The following GALNTL6 variants were observed in gnomAD, a reference collection of about 807,000 sequenced individuals.
The protein encoded by GALNTL6 is polypeptide N-acetylgalactosaminyltransferase-like 6.
GALNTL6 carries 46 observed loss-of-function variants against 73.7 expected under a neutral mutation model. That is an observed-to-expected ratio of 0.62 (90% CI 0.49 to 0.80). The LOEUF (loss-of-function observed/expected upper bound fraction) is 0.80. Ranked by LOEUF, GALNTL6 falls within the 30% of genes least tolerant of loss-of-function variation. The probability of loss-of-function intolerance (pLI) is 0.00; values close to 1 mark genes in which losing one functional copy is unlikely to be tolerated. For synonymous variants in GALNTL6, 259 were observed against 263.7 expected (o/e 0.98, Z 0.17); for missense variants, 604 against 755.0 (o/e 0.80, Z 2.34).
intron 8 of GALNTL6, among the ~76,000 whole-genome samples, 173 bp downstream of exon 8, chr4:172,883,080 T>G (rs1198017211): frequency 6.6e-6 from 1 of 152,204 alleles, no homozygotes; most frequent in Admixed American, 6.5e-5. Flanking sequence ...GTTTTTATTT[T>G]TTCTTGATAT....
chr4:172,336,452 T>C lies in GALNTL6; in HGVS notation c.387-12071T>C, dbSNP rs564299410. On this transcript the variant is annotated intron_variant, in intron 4 of 12. Coordinates refer to ENST00000506823, the MANE Select transcript of GALNTL6 (RefSeq NM_001034845.3). Reference sequence around the variant, plus strand: ...ATGCCCAGCTAATTTTTTTTTTTTTTTTTAAGTAGAGACCGGGTTTCACCA... The same window carrying C: ...ATGCCCAGCTAATTTTTTTTTTTTTCTTTAAGTAGAGACCGGGTTTCACCA... Among the ~76,000 whole-genome samples the C allele has an allele frequency of 3.3e-5, 5 of 151,332 alleles. No individual in the cohort carries two copies. The East Asian group carries it at 9.8e-4, about 30-fold the overall frequency.
In GALNTL6 at chr4:172,524,697, G is replaced by A. The variant is rs75754980; in HGVS notation, c.553+176008G>A. Among the ~76,000 whole-genome samples, 45 of 152,124 alleles carry A rather than the reference G, an allele frequency of 3.0e-4. No homozygotes were observed. In the East Asian group the frequency reaches 6.9e-3, roughly 23 times the overall value. The stretch of plus-strand genomic sequence containing the variant: ...ATATAAGCCTTTGTTAAATATATAC[G>A]GTGCTAATATCTTCTTCCAGTTTTG... On this transcript the variant is annotated intron_variant, in intron 5 of 12. Transcript: ENST00000506823.
At chr4:171,832,379 A>G (rs1018752978) in intron 2 of GALNTL6, among the ~76,000 whole-genome samples, 9 of 151,568 alleles carry the variant, frequency 5.9e-5, no homozygotes, top group African/African-American at 2.2e-4. Flanking sequence ...AATTTATTTA[A>G]TATGTTCTTG....
intron 2 of GALNTL6, among the ~76,000 whole-genome samples, chr4:172,075,640 C>G (rs935495995): frequency 6.6e-6 from 1 of 152,052 alleles, no homozygotes; most frequent in African/African-American, 2.4e-5. Flanking sequence ...CGGCCCCCAA[C>G]AGGTATCTTA....
intron 5 of GALNTL6, among the ~76,000 whole-genome samples, chr4:172,779,119 G>A (rs183574222): frequency 1.3e-5 from 2 of 152,108 alleles, no homozygotes; most frequent in Non-Finnish European, 1.5e-5. Flanking sequence ...TATACCCAGA[G>A]CCTACAGGGG....
chr4:171,963,134 G>A (rs555719098), intron 2 of GALNTL6, among the ~76,000 whole-genome samples: 8 of 150,378 alleles, frequency 5.3e-5, no homozygotes, highest in African/African-American at 2.0e-4. Flanking sequence ...ATCATTTTTA[G>A]TACTGTGCTC....
chr4:171,923,191 G>A (rs1490027151), intron 2 of GALNTL6, among the ~76,000 whole-genome samples: 1 of 152,060 alleles, frequency 6.6e-6, no homozygotes, highest in Admixed American at 6.6e-5. Context: ...TGTTCTCTTT[G>A]TTTTGTTTCA....
At chr4:172,057,715 AAAAAAAAAAAAAATAT>A (rs1490420494) in intron 2 of GALNTL6, among the ~76,000 whole-genome samples, 24 of 104,858 alleles carry the variant, frequency 2.3e-4, no homozygotes, top group Admixed American at 1.6e-3. Flanking sequence ...AAAAAAAAAA[AAAAAAAAAAAAAATAT>A]ATATATATAT....
At chr4:172,468,118 C>T (rs929577861) in intron 5 of GALNTL6, among the ~76,000 whole-genome samples, 3 of 152,074 alleles carry the variant, frequency 2.0e-5, no homozygotes, top group Admixed American at 2.0e-4. Context: ...TCTCAAACTC[C>T]TAGCCTTAAG....
chr4:172,138,491 A>ATATATT (rs1435952022), intron 2 of GALNTL6, among the ~76,000 whole-genome samples: 5 of 4,220 alleles, frequency 1.2e-3, no homozygotes, highest in Non-Finnish European at 3.7e-3. Context: ...ATATATATAT[A>ATATATT]TATATATATA....
chr4:172,636,788 T>C (rs558682751), intron 5 of GALNTL6, among the ~76,000 whole-genome samples: 4 of 152,308 alleles, frequency 2.6e-5, no homozygotes, highest in African/African-American at 9.6e-5. Flanking sequence ...TGGTAAAAAC[T>C]GCACTCATCT....
chr4:172,289,554 C>T (rs1426309894), intron 3 of GALNTL6, among the ~76,000 whole-genome samples: 1 of 152,140 alleles, frequency 6.6e-6, no homozygotes, highest in African/African-American at 2.4e-5. Context: ...GTGAGAATTA[C>T]AGAACTGAGA....
chr4:172,064,285 A>T (rs1216083971), intron 2 of GALNTL6, among the ~76,000 whole-genome samples: 18 of 152,208 alleles, frequency 1.2e-4, no homozygotes, highest in Admixed American at 1.2e-3. Context: ...AGACAGTGAC[A>T]ATCAAGTCAG....
chr4:172,587,616 A>T (rs552171514), intron 5 of GALNTL6, among the ~76,000 whole-genome samples: 22 of 152,300 alleles, frequency 1.4e-4, no homozygotes, highest in Admixed American at 1.4e-3. Flanking sequence ...CATTGTTTGC[A>T]TTTCCTCAGT....
intron 4 of GALNTL6, among the ~76,000 whole-genome samples, chr4:172,337,569 G>C (rs1301319608): frequency 6.6e-6 from 1 of 151,510 alleles, no homozygotes; most frequent in Non-Finnish European, 1.5e-5. Flanking sequence ...TTTTTTTTAA[G>C]AGTGCTGGCT....
At chr4:172,892,946 G>T (rs531637985) in intron 8 of GALNTL6, among the ~76,000 whole-genome samples, 1 of 152,342 alleles carries the variant, frequency 6.6e-6, no homozygotes, top group South Asian at 2.1e-4. Flanking sequence ...AGAACAGGTT[G>T]TGGTGTGTGT....
chr4:172,024,275 T>G (rs1389692666), intron 2 of GALNTL6, among the ~76,000 whole-genome samples: 1 of 151,874 alleles, frequency 6.6e-6, no homozygotes, highest in Non-Finnish European at 1.5e-5. Flanking sequence ...ACATTTTCCT[T>G]GAAGGCAAGA....
chr4:172,617,403 CAAA>C (rs34182269), intron 5 of GALNTL6, among the ~76,000 whole-genome samples: 7 of 116,928 alleles, frequency 6.0e-5, no homozygotes, highest in African/African-American at 5.7e-5. Context: ...GAAAGACACT[CAAA>C]AAAAAAAAAA....
intron 2 of GALNTL6, among the ~76,000 whole-genome samples, chr4:172,086,567 A>C (rs1347389809): frequency 6.6e-6 from 1 of 152,292 alleles, no homozygotes; most frequent in East Asian, 1.9e-4. Context: ...CTATAAACAC[A>C]TGCACACAGA....
Sources: allele counts gnomAD v4.1 joint callset (sites outside exome capture counted in the v4.1 genomes callset), GRCh38; gene constraint gnomAD v4.1.1; transcripts MANE v1.5; gene names NCBI Gene and HGNC (gene_info 2026-07-23, HGNC 2026-07-21).